The following ZBTB49 variants were observed in gnomAD, a reference collection of about 807,000 sequenced individuals.
ZBTB49 encodes zinc finger and BTB domain containing 49.
Under a neutral mutation model 57.5 loss-of-function variants are expected in ZBTB49, and 43 were observed. The observed-to-expected ratio is 0.75, with a 90% CI of 0.59 to 0.97. The LOEUF is 0.97. ZBTB49 is among the 50% of genes least tolerant of loss of function. ZBTB49 has a pLI of 0.00. For missense variants in ZBTB49, 938 were observed against 947.7 expected (o/e 0.99, Z 0.13); for synonymous variants, 369 against 362.1 (o/e 1.02, Z -0.22).
chr4:4,315,799 G>A lies in ZBTB49; in HGVS notation c.1460-10G>A, dbSNP rs1167991299. The A allele has an allele frequency of 4.3e-6, 7 of 1,613,918 alleles. No homozygotes were observed. Among genetic ancestry groups the A allele is most frequent in the African/African-American group, 4.0e-5 (3 of 74,892 alleles). On this transcript the variant is annotated splice_polypyrimidine_tract_variant and intron_variant, in intron 6 of 7. Transcript: ENST00000337872. Reference sequence around the variant, plus strand: ...GTCCTTCAGCTTAACACCTGTTATGGTCTCTCTAGGGTTTAGTAACTTCAG... The same window carrying A: ...GTCCTTCAGCTTAACACCTGTTATGATCTCTCTAGGGTTTAGTAACTTCAG...
intron 1 of ZBTB49, among the ~76,000 whole-genome samples, 151 bp from the exon 2 acceptor site, chr4:4,299,776 G>GGT (rs33911857): frequency 0.047 from 4,920 of 103,612 alleles, 118 homozygotes; most frequent in South Asian, 0.18. Context: ...CAGAAACAGA[G>GGT]GTGTGTGTGT....
In ZBTB49 at chr4:4,315,661, C is replaced by T. The variant is rs373362808; in HGVS notation, c.1402C>T (p.Arg468Cys). The T allele has an allele frequency of 6.2e-7, 1 of 1,614,184 alleles. No homozygotes were observed. The highest frequency in any genetic ancestry group is 8.5e-7 in the Non-Finnish European group (1 of 1,180,020). ...KRFAASGDVQ[R>C]HIIIHSGEKP... ...GTTTGCAGCCTCTGGCGACGTCCAG[C>T]GTCACATTATTATTCACTCAGGAGA... Residue 468 changes from arginine to cysteine, a missense_variant, in exon 6 of 8, where the codon CGT becomes TGT. Transcript: ENST00000337872.
chr4:4,307,959 C>A (rs555439946), intron 4 of ZBTB49, among the ~76,000 whole-genome samples: 1 of 152,260 alleles, frequency 6.6e-6, no homozygotes, highest in South Asian at 2.1e-4. Flanking sequence ...AGTTAAAACC[C>A]GACATTCAGT....
In ZBTB49 at chr4:4,300,029, G is replaced by A; in HGVS notation, c.84G>A (p.Met28Ile). ...QRIQGLLCDC[M>I]LVVKGVCFKA... ...TCCAAGGCCTGCTTTGTGACTGTAT[G>A]TTGGTGGTAAAAGGAGTCTGCTTTA... Residue 28 changes from methionine (M) to isoleucine (I), a missense_variant, in exon 2 of 8, where the codon ATG (methionine) becomes ATA (isoleucine). Physicochemically the swap from Met to Ile is conservative, Grantham distance 10. Around this residue, in one of 3 missense-constraint regions of ZBTB49, gnomAD observed 100 missense variants for 112.5 expected, o/e 0.89. Coordinates refer to ENST00000337872, the MANE Select transcript of ZBTB49 (RefSeq NM_145291.4). The A allele has an allele frequency of 6.2e-7, 1 of 1,614,202 alleles. No homozygotes were observed. The highest frequency in any genetic ancestry group is 8.5e-7 in the Non-Finnish European group (1 of 1,180,046).
chr4:4,319,331 A>G (rs935694780), intron 7 of ZBTB49, among the ~76,000 whole-genome samples: 1 of 151,938 alleles, frequency 6.6e-6, no homozygotes, highest in Non-Finnish European at 1.5e-5. Context: ...ATTCAGATGT[A>G]AAGTGAAAAG....
chr4:4,298,476 GAGGGCA>G (rs2108872129), intron 1 of ZBTB49, among the ~76,000 whole-genome samples: 1 of 16,590 alleles, frequency 6.0e-5, no homozygotes, highest in South Asian at 3.5e-3. Context: ...GCTGGAGGGC[GAGGGCA>G]GTGGTGCCAT....
At chr4:4,306,276 G>C in intron 4 of ZBTB49, 92 bp downstream of exon 4, 1 of 1,090,108 alleles carries the variant, frequency 9.2e-7, no homozygotes, top group Non-Finnish European at 1.4e-6. Context: ...ACTTGTGAGA[G>C]AAGCCTCTAA....
chr4:4,309,139 A>C (rs931240687), intron 4 of ZBTB49, among the ~76,000 whole-genome samples: 2 of 152,238 alleles, frequency 1.3e-5, no homozygotes, highest in Non-Finnish European at 2.9e-5. Context: ...AGAATCCCTC[A>C]TCCTGCTTAC....
intron 4 of ZBTB49, among the ~76,000 whole-genome samples, chr4:4,308,497 C>T (rs1720837413): frequency 6.6e-6 from 1 of 152,212 alleles, no homozygotes; most frequent in African/African-American, 2.4e-5. Flanking sequence ...CCTGCCCGAT[C>T]CAGAAACCCT....
intron 3 of ZBTB49, among the ~76,000 whole-genome samples, chr4:4,303,534 T>G (rs1720597806): frequency 6.6e-6 from 1 of 152,176 alleles, no homozygotes; most frequent in African/African-American, 2.4e-5. Flanking sequence ...ACAAGTTCTC[T>G]TGGAAGGAAT....
Position 4,315,650 on chromosome 4 carries a change from G to T in ZBTB49, c.1391G>T (p.Gly464Val). The T allele has an allele frequency of 1.1e-5, 17 of 1,614,150 alleles. No individual in the cohort carries two copies. The highest frequency in any genetic ancestry group is 1.4e-5 in the Non-Finnish European group (17 of 1,180,008). ...TTACATTCTAGGTTTGCAGCCTCTGGCGACGTCCAGCGTCACATTATTATT... is the reference window on the plus strand; with the variant it reads ...TTACATTCTAGGTTTGCAGCCTCTGTCGACGTCCAGCGTCACATTATTATT... ...EICGKRFAAS[G>V]DVQRHIIIHS... The change falls in exon 6 of 8, where the codon GGC becomes GTC. Residue 464 changes from glycine (G) to valine (V), a missense_variant. Physicochemically the swap from Gly to Val is moderately radical, Grantham distance 109. This residue lies in a region of ZBTB49 where 835 missense variants were observed against 819.1 expected (regional missense o/e 1.02). Coordinates refer to ENST00000337872, the MANE Select transcript of ZBTB49 (RefSeq NM_145291.4).
chr4:4,318,986 A>C (rs761272888), intron 7 of ZBTB49, among the ~76,000 whole-genome samples: 113 of 146,782 alleles, frequency 7.7e-4, no homozygotes, highest in Non-Finnish European at 1.5e-3. Context: ...GACCTCCTGG[A>C]CACAGGCAGT....
At chr4:4,306,556 G>C (rs539787878) in intron 4 of ZBTB49, among the ~76,000 whole-genome samples, 109 of 152,206 alleles carry the variant, frequency 7.2e-4, no homozygotes, top group African/African-American at 2.6e-3. Flanking sequence ...ATTCTTGTTG[G>C]GACTGTAGAT....
At position 4,301,970 on chromosome 4, in the gene ZBTB49, A is replaced by G. The variant is rs901070640; in HGVS notation, c.153-19A>G. The G allele has an allele frequency of 2.0e-6, 3 of 1,501,054 alleles. No homozygotes were observed. The highest frequency in any genetic ancestry group is 1.8e-6 in the Non-Finnish European group (2 of 1,126,496). 93.0% of individuals were successfully genotyped at this position (1,501,054 alleles called of 1,614,324 possible). The stretch of plus-strand genomic sequence containing the variant: ...TGTGAATTTTTGGCACTGTAAACAG[A>G]TATTCTTTCTTTTACCAGGAGCCTC... On this transcript the variant is annotated intron_variant, in intron 2 of 7. Transcript: ENST00000337872.
Position 4,301,995 on chromosome 4 carries a change from C to A in ZBTB49, c.159C>A (p.Leu53=). 6.5e-7 allele frequency: 1 copy of A among 1,527,814 alleles called. No homozygotes were observed. The highest frequency in any genetic ancestry group is 8.8e-7 in the Non-Finnish European group (1 of 1,137,576). 94.6% of individuals were successfully genotyped at this position (1,527,814 alleles called of 1,614,324 possible). The change falls in exon 3 of 8, where the codon CTC becomes CTA. Residue 53 remains leucine, a synonymous_variant. Coordinates refer to ENST00000337872, the MANE Select transcript of ZBTB49 (RefSeq NM_145291.4). ...LAAFSQYFRS[L]FQNSSSQKND... ...ATATTCTTTCTTTTACCAGGAGCCTCTTTCAGAATTCTTCAAGCCAGAAGA... is the reference window on the plus strand; with the variant it reads ...ATATTCTTTCTTTTACCAGGAGCCTATTTCAGAATTCTTCAAGCCAGAAGA...
chr4:4,318,015 C>A (rs918146254), intron 7 of ZBTB49, among the ~76,000 whole-genome samples: 4 of 152,162 alleles, frequency 2.6e-5, no homozygotes, highest in Non-Finnish European at 5.9e-5. Flanking sequence ...TGGGTGGCAG[C>A]CCTCAGGCCT....
intron 5 of ZBTB49, among the ~76,000 whole-genome samples, chr4:4,315,432 C>G (rs551577467): frequency 1.3e-5 from 2 of 152,276 alleles, no homozygotes; most frequent in East Asian, 3.9e-4. Flanking sequence ...GCTTTAAAAA[C>G]AAGACACTTG....
rs148328312 is a variant in ZBTB49, at chr4:4,292,334, C to T, written c.-20+1982C>T. On this transcript the variant is annotated intron_variant, in intron 1 of 7. Coordinates refer to ENST00000337872, the MANE Select transcript of ZBTB49 (RefSeq NM_145291.4). ...AGTGCAACGATACTTGTTTTTCCCACTAGACTGATGCTTCATGAAGACATG... is the reference window on the plus strand; with the variant it reads ...AGTGCAACGATACTTGTTTTTCCCATTAGACTGATGCTTCATGAAGACATG... Among the ~76,000 whole-genome samples the T allele has an allele frequency of 8.7e-4, 133 of 152,282 alleles. 1 individual carries two copies. Among genetic ancestry groups the T allele is most frequent in the African/African-American group, 2.8e-3 (116 of 41,544 alleles).
intron 4 of ZBTB49, among the ~76,000 whole-genome samples, chr4:4,310,586 T>A (rs1285105667): frequency 6.6e-6 from 1 of 150,838 alleles, no homozygotes; most frequent in Admixed American, 6.6e-5. Context: ...CTCGGCTCAC[T>A]GCAAGCTCCA....
Sources: allele counts gnomAD v4.1 joint callset (sites outside exome capture counted in the v4.1 genomes callset), GRCh38; gene constraint gnomAD v4.1.1; regional missense constraint gnomAD v4.1.1; transcripts MANE v1.5; gene names NCBI Gene and HGNC (gene_info 2026-07-23, HGNC 2026-07-21).